The following DCHS2 variants were observed in gnomAD, a reference collection of about 807,000 sequenced individuals.
DCHS2 encodes the protein protocadherin-23.
Under a neutral mutation model 182.4 loss-of-function variants are expected in DCHS2, and 142 were observed. The observed-to-expected ratio is 0.78, with a 90% CI of 0.68 to 0.89. DCHS2 has a LOEUF of 0.89. Among genes scored for constraint, DCHS2 ranks in the 40% least tolerant of loss-of-function variants. The pLI, the probability that DCHS2 is intolerant of heterozygous loss-of-function variation, is 0.00. For synonymous variants in DCHS2, 1,740 were observed against 1,663.3 expected (o/e 1.05, Z -1.12); for missense variants, 4,319 against 4,198.6 (o/e 1.03, Z -0.79).
chr4:154,352,787 T>G (rs1729680992), intron 3 of DCHS2, among the ~76,000 whole-genome samples: 1 of 152,214 alleles, frequency 6.6e-6, no homozygotes. Flanking sequence ...TGAATTTGGC[T>G]TTGGCTCTCA....
Position 154,391,026 on chromosome 4 carries a change from T to C in DCHS2, c.2053-13582A>G, listed in dbSNP as rs1476024637. 10 of 681,218 alleles carry C rather than the reference T, an allele frequency of 1.5e-5. No homozygotes were observed. In the East Asian group the frequency reaches 2.5e-4, roughly 17 times the overall value. 42.2% of individuals were successfully genotyped at this position (681,218 alleles called of 1,614,324 possible). On this transcript the variant is annotated intron_variant, in intron 1 of 19. Coordinates refer to ENST00000357232, the MANE Select transcript of DCHS2 (RefSeq NM_001358235.2). ...GACAAACAAATTCATGAGAGGATCC[T>C]AGCTAAGTATTTCTTCCAAGGCTTT... is the stretch of plus-strand genomic sequence containing the variant.
intron 1 of DCHS2, among the ~76,000 whole-genome samples, chr4:154,474,274 T>C (rs1735596842): frequency 6.6e-6 from 1 of 152,184 alleles, no homozygotes; most frequent in African/African-American, 2.4e-5. Flanking sequence ...TTCCTATTTC[T>C]AAATAAGGTC....
At chr4:154,381,398 C>A (rs547258595) in intron 1 of DCHS2, among the ~76,000 whole-genome samples, 1 of 152,008 alleles carries the variant, frequency 6.6e-6, no homozygotes, top group South Asian at 2.1e-4. Flanking sequence ...TATACACTTT[C>A]GCCACTCCTA....
At chr4:154,334,338 C>G (rs909121827) in intron 4 of DCHS2, 4 of 153,542 alleles carry the variant, frequency 2.6e-5, no homozygotes, top group Non-Finnish European at 4.3e-5. Flanking sequence ...AAGTCACACA[C>G]GGCTATTTGC....
chr4:154,398,383 C>T lies in DCHS2; in HGVS notation c.2053-20939G>A, dbSNP rs1732021687. Among the ~76,000 whole-genome samples the T allele has an allele frequency of 2.0e-5, 3 of 152,292 alleles. No individual in the cohort carries two copies. In the South Asian group the frequency reaches 6.2e-4, roughly 32 times the overall value. ...CGTGCAGAAAGTGTCCAATGCCTGA[C>T]ATATATTAAGCACTCAACAAAACAT... On this transcript the variant is annotated intron_variant, in intron 1 of 19. Coordinates refer to ENST00000357232, the MANE Select transcript of DCHS2 (RefSeq NM_001358235.2).
intron 2 of DCHS2, among the ~76,000 whole-genome samples, chr4:154,368,047 G>A (rs1035257529): frequency 2.0e-5 from 3 of 152,144 alleles, no homozygotes; most frequent in Admixed American, 6.5e-5. Context: ...GAGCCATGCC[G>A]GGTATCAATT....
At chr4:154,271,750 TAATC>T (rs1434171749) in intron 13 of DCHS2, among the ~76,000 whole-genome samples, 5 of 152,200 alleles carry the variant, frequency 3.3e-5, no homozygotes, top group East Asian at 1.9e-4. Context: ...TTTTTTTACT[TAATC>T]AATTTCATTT....
intron 1 of DCHS2, among the ~76,000 whole-genome samples, chr4:154,442,737 C>CA (rs1734090937): frequency 6.6e-6 from 1 of 152,204 alleles, no homozygotes; most frequent in South Asian, 2.1e-4. Context: ...ATCAGAGACA[C>CA]AAGCTACCTC....
At chr4:154,429,731 T>G (rs1560753364) in intron 1 of DCHS2, among the ~76,000 whole-genome samples, 1 of 152,120 alleles carries the variant, frequency 6.6e-6, no homozygotes, top group Non-Finnish European at 1.5e-5. Flanking sequence ...TCCATTGTCA[T>G]ATAATTTCAA....
At chr4:154,257,192 G>A (rs1426903968) in intron 15 of DCHS2, among the ~76,000 whole-genome samples, 1 of 152,086 alleles carries the variant, frequency 6.6e-6, no homozygotes, top group Non-Finnish European at 1.5e-5. Flanking sequence ...AGGTTGCAGT[G>A]AGCCGAGATC....
At chr4:154,370,610 G>A (rs186150524) in intron 2 of DCHS2, among the ~76,000 whole-genome samples, 2 of 152,160 alleles carry the variant, frequency 1.3e-5, no homozygotes, top group African/African-American at 4.8e-5. Flanking sequence ...ACCCTAAACA[G>A]TAGAGAGATT....
At chr4:154,309,018 A>T (rs1336977300) in intron 10 of DCHS2, among the ~76,000 whole-genome samples, 1 of 152,204 alleles carries the variant, frequency 6.6e-6, no homozygotes, top group African/African-American at 2.4e-5. Context: ...ACAAAGTCCC[A>T]TATGATGTGG....
intron 13 of DCHS2, among the ~76,000 whole-genome samples, chr4:154,274,509 A>G (rs1203838027): frequency 6.6e-6 from 1 of 151,778 alleles, no homozygotes; most frequent in African/African-American, 2.4e-5. Flanking sequence ...AGCAGAGGAG[A>G]TTTTCTATAT....
chr4:154,465,299 G>A (rs1290534570), intron 1 of DCHS2, among the ~76,000 whole-genome samples: 1 of 152,116 alleles, frequency 6.6e-6, no homozygotes, highest in Non-Finnish European at 1.5e-5. Flanking sequence ...TTCACCATAG[G>A]GCTGCTCTCA....
intron 1 of DCHS2, among the ~76,000 whole-genome samples, chr4:154,470,076 T>C (rs1206021092): frequency 6.6e-6 from 1 of 152,102 alleles, no homozygotes; most frequent in Non-Finnish European, 1.5e-5. Flanking sequence ...AACAGTTGAA[T>C]GAATGAGTGA....
intron 1 of DCHS2, among the ~76,000 whole-genome samples, chr4:154,443,685 C>T (rs1393188702): frequency 6.6e-6 from 1 of 152,198 alleles, no homozygotes; most frequent in Non-Finnish European, 1.5e-5. Context: ...ATATCATAGG[C>T]ATCATCAATT....
chr4:154,383,219 A>G (rs7674383), intron 1 of DCHS2, among the ~76,000 whole-genome samples: 76,553 of 152,066 alleles, frequency 0.5, 20,220 homozygotes, highest in East Asian at 0.7. Flanking sequence ...CATTATCTTA[A>G]GGGAATTAAC....
intron 1 of DCHS2, among the ~76,000 whole-genome samples, chr4:154,386,059 C>T (rs953898322): frequency 1.3e-5 from 2 of 152,170 alleles, no homozygotes; most frequent in Admixed American, 6.5e-5. Context: ...CTCCACCCCA[C>T]AGTCTGCTAC....
intron 1 of DCHS2, chr4:154,384,316 T>C (rs149331715): frequency 1.3e-6 from 2 of 1,583,684 alleles, no homozygotes; most frequent in African/African-American, 1.4e-5. Context: ...ACATCCTTCA[T>C]CAGACACCAT....
Sources: gnomAD v4.1 joint callset for allele counts (sites outside exome capture counted in the v4.1 genomes callset) on GRCh38, gnomAD v4.1.1 for gene constraint, MANE v1.5 for transcripts, NCBI Gene and HGNC (gene_info 2026-07-23, HGNC 2026-07-21) for gene names.